FAM181A: variants seen among roughly 807,000 people sequenced by gnomAD.
FAM181A encodes protein FAM181A.
Under a neutral mutation model 16.3 loss-of-function variants are expected in FAM181A, and 7 were observed. The ratio of observed to expected loss-of-function variants is 0.43; its 90% CI spans 0.24 to 0.81. FAM181A has a LOEUF of 0.81. Among genes scored for constraint, FAM181A ranks in the 30% least tolerant of loss-of-function variants. The pLI, the probability that FAM181A is intolerant of heterozygous loss-of-function variation, is 0.24. For missense variants in FAM181A, 349 were observed against 377.5 expected (o/e 0.92, Z 0.63); for synonymous variants, 183 against 164.9 (o/e 1.11, Z -0.84).
upstream of FAM181A, chr14:93,925,324 C>A (rs778473853): frequency 1.6e-5 from 26 of 1,613,560 alleles, no homozygotes; most frequent in Non-Finnish European, 2.1e-5. Context: ...GCAGCCCCCA[C>A]AAATCACAGA....
Position 93,928,569 on chromosome 14 carries a change from G to T in FAM181A, c.284G>T (p.Cys95Phe). The T allele has an allele frequency of 6.2e-7, 1 of 1,613,578 alleles. No homozygotes were observed. The highest frequency in any genetic ancestry group is 8.5e-7 in the Non-Finnish European group (1 of 1,179,856). ...TCCAGCCCCGGCGGGGGTGGGGGCT[G>T]CAAGGAGAAGGTGCTGAGGAACCCC... ...PDSSPGGGGG[C>F]KEKVLRNPYR... Residue 95 changes from cysteine to phenylalanine, a missense_variant, in exon 2 of 2, where the codon TGC becomes TTC. Transcript: ENST00000556222.
At chr14:93,925,826 C>T (rs1887885062), upstream of FAM181A, among the ~76,000 whole-genome samples, 3 of 152,066 alleles carry the variant, frequency 2.0e-5, no homozygotes, top group South Asian at 6.2e-4. Context: ...GGGCCATCTC[C>T]TCCAAACCCT....
chr14:93,927,164 C>A, upstream of FAM181A: 1 of 497,208 alleles, frequency 2.0e-6, no homozygotes. Flanking sequence ...GAAATGATTG[C>A]ATTTGGGAGC....
upstream of FAM181A, chr14:93,927,061 C>CACACACACA (rs11272094): frequency 5.4e-4 from 47 of 87,306 alleles, no homozygotes; most frequent in Middle Eastern, 5.3e-3. Context: ...CACACACACA[C>CACACACACA]CCCACCCCCT....
At chr14:93,922,297 G>A (rs968173550) in intron 1 of FAM181A, 1 of 152,212 alleles carries the variant, frequency 6.6e-6, no homozygotes, top group African/African-American at 2.4e-5. Context: ...CTAGGCTGCT[G>A]ACTGGTGAAC....
In FAM181A at chr14:93,928,422, A is replaced by C; in HGVS notation, c.137A>C (p.Lys46Thr). 1 of 1,613,704 alleles carries C rather than the reference A, an allele frequency of 6.2e-7. No homozygotes were observed. ...CGCAAGTACCTGCAGAAGCAGCTCA[A>C]GCGCTTCTCCCAGAAGTATTCCCGG... ...DHRKYLQKQL[K>T]RFSQKYSRLP... The change falls in exon 2 of 2, where the codon AAG becomes ACG. Residue 46 changes from lysine (K) to threonine (T), a missense_variant. Coordinates refer to ENST00000556222, the MANE Select transcript of FAM181A (RefSeq NM_001207073.2).
upstream of FAM181A, chr14:93,925,224 G>T: frequency 6.3e-7 from 1 of 1,575,296 alleles, no homozygotes; most frequent in South Asian, 1.1e-5. Flanking sequence ...GGTGCCGTGG[G>T]ATCTCAAGGA....
upstream of FAM181A, chr14:93,925,516 T>G: frequency 1.5e-6 from 1 of 663,056 alleles, no homozygotes; most frequent in East Asian, 2.9e-5. Context: ...CCAGATGTTT[T>G]GGAGCAGAAA....
intron 1 of FAM181A, among the ~76,000 whole-genome samples, chr14:93,921,101 C>T (rs1433248793): frequency 1.3e-5 from 2 of 152,184 alleles, no homozygotes; most frequent in Admixed American, 6.5e-5. Context: ...CATATCAATA[C>T]CCATGTGTGC....
In FAM181A at chr14:93,929,269, C is replaced by G; in HGVS notation, c.*105C>G. 3 of 1,402,186 alleles carry G rather than the reference C, an allele frequency of 2.1e-6. 1 individual carries two copies. In the South Asian group the frequency reaches 4.8e-5, roughly 23 times the overall value. 86.9% of individuals were successfully genotyped at this position (1,402,186 alleles called of 1,614,324 possible). On this transcript the variant is annotated 3_prime_UTR_variant, in exon 2 of 2. Coordinates refer to ENST00000556222, the MANE Select transcript of FAM181A (RefSeq NM_001207073.2). Reference sequence around the variant, plus strand: ...GGCTGGGCCACAGTGTGGCCTCTTCCGTTTGTGTGCGCATGGGAGTGGAGG... The same window carrying G: ...GGCTGGGCCACAGTGTGGCCTCTTCGGTTTGTGTGCGCATGGGAGTGGAGG...
At position 93,928,622 on chromosome 14, in the gene FAM181A, C is replaced by A. The variant is rs199921751; in HGVS notation, c.337C>A (p.Gln113Lys). The A allele has an allele frequency of 5.0e-6, 8 of 1,613,828 alleles. No homozygotes were observed. Among genetic ancestry groups the A allele is most frequent in the Non-Finnish European group, 6.8e-6 (8 of 1,179,992 alleles). Reference protein sequence around the residue: ...PYREECLAKEQLPQRQHPEAA... With the variant: ...PYREECLAKEKLPQRQHPEAA... ...CAGGGAGGAATGTCTTGCTAAGGAG[C>A]AGCTCCCACAGAGGCAGCATCCAGA... The change falls in exon 2 of 2, where the codon CAG (glutamine) becomes AAG (lysine). Residue 113 changes from glutamine to lysine, a missense_variant. By Grantham distance (53) the Gln-to-Lys change is moderately conservative. Transcript: ENST00000556222.
At chr14:93,920,462 A>G (rs1166448119) in intron 1 of FAM181A, among the ~76,000 whole-genome samples, 2 of 151,874 alleles carry the variant, frequency 1.3e-5, no homozygotes, top group Non-Finnish European at 2.9e-5. Flanking sequence ...AAGGAAGGAA[A>G]GAAGGAAAGA....
At position 93,929,450 on chromosome 14, in the gene FAM181A, C is replaced by G. The variant is rs761396079; in HGVS notation, c.*286C>G. On this transcript the variant is annotated 3_prime_UTR_variant, in exon 2 of 2. Coordinates refer to ENST00000556222, the MANE Select transcript of FAM181A (RefSeq NM_001207073.2). ...AGACCATAGGTACTGGGATGTTGCC[C>G]TTCCTTGCCTTGCAGTCACCCCAGA... 79 of 392,470 alleles carry G rather than the reference C, an allele frequency of 2.0e-4. No individual in the cohort carries two copies. Among genetic ancestry groups the G allele is most frequent in the Non-Finnish European group, 3.1e-4 (68 of 221,286 alleles). The allele number at this position is 392,470 out of a possible 1,614,324, so 24.3% of individuals were successfully genotyped here.
Position 93,929,110 on chromosome 14 carries a change from C to A in FAM181A, c.825C>A (p.Ile275=), listed in dbSNP as rs761313435. ...KVCRPVVLKP[I]PTKPAVPPPI... is the part of the protein sequence containing the mutation. ...GCAGGCCCGTGGTGCTGAAACCCATCCCCACCAAGCCAGCCGTGCCCCCAC... is the reference window on the plus strand; with the variant it reads ...GCAGGCCCGTGGTGCTGAAACCCATACCCACCAAGCCAGCCGTGCCCCCAC... The change falls in exon 2 of 2, where the codon ATC becomes ATA. Residue 275 remains isoleucine, a synonymous_variant. Coordinates refer to ENST00000556222, the MANE Select transcript of FAM181A (RefSeq NM_001207073.2). The A allele has an allele frequency of 1.3e-6, 2 of 1,528,566 alleles. No individual in the cohort carries two copies. Among genetic ancestry groups the A allele is most frequent in the Non-Finnish European group, 1.8e-6 (2 of 1,139,432 alleles). 94.7% of individuals were successfully genotyped at this position (1,528,566 alleles called of 1,614,324 possible). A position where few individuals can be genotyped will look rare whatever the true frequency, so the allele number is the denominator to read the frequency against.
chr14:93,920,369 A>G (rs911679702), intron 1 of FAM181A, among the ~76,000 whole-genome samples: 1 of 152,052 alleles, frequency 6.6e-6, no homozygotes, highest in African/African-American at 2.4e-5. Flanking sequence ...AGTGTGCCAC[A>G]ATTGTGCCAC....
chr14:93,919,570 G>A lies in FAM181A; in HGVS notation c.-225+576G>A, dbSNP rs970186939. Among the ~76,000 whole-genome samples the A allele has an allele frequency of 3.3e-5, 5 of 152,140 alleles. No homozygotes were observed. The East Asian group carries it at 5.8e-4, about 18-fold the overall frequency. Reference sequence around the variant, plus strand: ...TTTCAAGGCTGTTGGCATGGATTTCGTATTCATTTTGCTACCCCCAGCACT... The same window carrying A: ...TTTCAAGGCTGTTGGCATGGATTTCATATTCATTTTGCTACCCCCAGCACT... On this transcript the variant is annotated intron_variant, in intron 1 of 2. Coordinates refer to the FAM181A transcript ENST00000267594.
In FAM181A at chr14:93,928,383, G is replaced by T; in HGVS notation, c.98G>T (p.Arg33Leu). Residue 33 changes from arginine (R) to leucine (L), a missense_variant, in exon 2 of 2, where the codon CGC (arginine) becomes CTC (leucine). Coordinates refer to ENST00000556222, the MANE Select transcript of FAM181A (RefSeq NM_001207073.2). ...CTGGATAAGTCCGCACCCTGCCGCCGCTCCGTGGACCATCGCAAGTACCTG... is the reference window on the plus strand; with the variant it reads ...CTGGATAAGTCCGCACCCTGCCGCCTCTCCGTGGACCATCGCAAGTACCTG... ...AALDKSAPCR[R>L]SVDHRKYLQK... 1 of 1,613,800 alleles carries T rather than the reference G, an allele frequency of 6.2e-7. No homozygotes were observed. Among genetic ancestry groups the T allele is most frequent in the Non-Finnish European group, 8.5e-7 (1 of 1,180,014 alleles).
At chr14:93,919,064 G>C (rs181549272) in intron 1 of FAM181A, 5 of 152,396 alleles carry the variant, frequency 3.3e-5, no homozygotes, top group Admixed American at 3.3e-4. Flanking sequence ...GTCCATCTGG[G>C]ATGCCCCGCA....
chr14:93,927,733 GCAGGAGT>G, intron 1 of FAM181A: 1 of 1,036,126 alleles, frequency 9.7e-7, no homozygotes, highest in Non-Finnish European at 1.2e-6. Flanking sequence ...CGTGCTGGGG[GCAGGAGT>G]GGTGGGAGGG....
Sources: allele counts gnomAD v4.1 joint callset (sites outside exome capture counted in the v4.1 genomes callset), GRCh38; gene constraint gnomAD v4.1.1; transcripts MANE v1.5; gene names NCBI Gene and HGNC (gene_info 2026-07-23, HGNC 2026-07-21).